Variants in REV1 observed in about 807,000 individuals in gnomAD.
The protein encoded by REV1 is REV1 DNA directed polymerase, also known as translesion synthesis protein REV1.
REV1 carries 42 observed loss-of-function variants against 137.4 expected under a neutral mutation model. The observed-to-expected ratio is 0.31, with a 90% CI of 0.24 to 0.40. The LOEUF (loss-of-function observed/expected upper bound fraction) is 0.40, where lower values mean the gene tolerates loss of function less well. REV1 is among the 10% of genes least tolerant of loss of function. The pLI is 1.00. For missense variants in REV1, 1,282 were observed against 1,490.1 expected (o/e 0.86, Z 2.30); for synonymous variants, 524 against 519.2 (o/e 1.01, Z -0.12).
chr2:99,489,101 G>A (rs1279519701), intron 1 of REV1, among the ~76,000 whole-genome samples: 1 of 152,190 alleles, frequency 6.6e-6, no homozygotes, highest in African/African-American at 2.4e-5. Context: ...GCGCGGCTCG[G>A]TGCGCCCAGA....
intron 1 of REV1, among the ~76,000 whole-genome samples, chr2:99,475,402 TG>T (rs1185815579): frequency 6.6e-6 from 1 of 152,234 alleles, no homozygotes; most frequent in Non-Finnish European, 1.5e-5. Context: ...ACCTAATGCT[TG>T]CTTGGACCAG....
chr2:99,484,073 C>G (rs1686897369), intron 1 of REV1, among the ~76,000 whole-genome samples: 1 of 152,088 alleles, frequency 6.6e-6, no homozygotes, highest in Admixed American at 6.6e-5. Context: ...GAAGGAGATC[C>G]AGGTAAAGAT....
chr2:99,483,751 C>A (rs970643348), intron 1 of REV1, among the ~76,000 whole-genome samples: 12 of 152,070 alleles, frequency 7.9e-5, no homozygotes, highest in African/African-American at 2.7e-4. Flanking sequence ...GCTGGTCTTT[C>A]CCTCAGTAAT....
At chr2:99,456,132 A>C (rs904991153) in intron 3 of REV1, among the ~76,000 whole-genome samples, 1 of 152,216 alleles carries the variant, frequency 6.6e-6, no homozygotes, top group African/African-American at 2.4e-5. Context: ...CAGGCCTCAA[A>C]TGTGGCCCAT....
chr2:99,447,621 T>C (rs990938161), intron 4 of REV1, among the ~76,000 whole-genome samples: 1 of 152,338 alleles, frequency 6.6e-6, no homozygotes, highest in East Asian at 1.9e-4. Flanking sequence ...CCAGGTTGTA[T>C]GGACAAATGA....
chr2:99,467,726 A>G (rs905333496), intron 1 of REV1, among the ~76,000 whole-genome samples: 2 of 152,218 alleles, frequency 1.3e-5, no homozygotes, highest in African/African-American at 2.4e-5. Flanking sequence ...AACTGTATTC[A>G]TTATTTCAAT....
intron 12 of REV1, 75 bp downstream of exon 12, chr2:99,418,751 TCA>T: frequency 5.2e-6 from 7 of 1,354,378 alleles, no homozygotes; most frequent in Non-Finnish European, 7.1e-6. Flanking sequence ...AAAAGAGGTC[TCA>T]CAGTTCTATA....
chr2:99,485,642 T>C (rs1400762005), intron 1 of REV1, among the ~76,000 whole-genome samples: 2 of 152,230 alleles, frequency 1.3e-5, no homozygotes, highest in Non-Finnish European at 2.9e-5. Flanking sequence ...ATAATCACTC[T>C]TAGCATCTTC....
At chr2:99,424,705 A>T in intron 9 of REV1, 1 of 1,252,446 alleles carries the variant, frequency 8.0e-7, no homozygotes, top group Non-Finnish European at 1.0e-6. Context: ...AAGACAAAGA[A>T]TATAAACAAA....
intron 1 of REV1, among the ~76,000 whole-genome samples, chr2:99,481,822 T>C (rs1686640917): frequency 6.6e-6 from 1 of 152,132 alleles, no homozygotes; most frequent in South Asian, 2.1e-4. Context: ...TGAGCTATGA[T>C]AGCACCACTG....
intron 8 of REV1, among the ~76,000 whole-genome samples, chr2:99,432,914 C>T (rs532736069): frequency 6.6e-6 from 1 of 152,228 alleles, no homozygotes; most frequent in East Asian, 1.9e-4. Flanking sequence ...CTCTGCTACT[C>T]CTAAGGAATG....
Position 99,449,447 on chromosome 2 carries a change from A to T in REV1, c.239T>A (p.Val80Glu). 1 of 1,566,438 alleles carries T rather than the reference A, an allele frequency of 6.4e-7. No homozygotes were observed. The highest frequency in any genetic ancestry group is 8.6e-7 in the Non-Finnish European group (1 of 1,159,104). ...TGTTGTTTTAGATCTGGAATAATAT[A>T]CATGGTATTGACCTCCATGCAACAT... ...LMMLHGGQYH[V>E]YYSRSKTTHI... is the part of the protein sequence containing the mutation. Residue 80 changes from valine to glutamate, a missense_variant, in exon 4 of 23, where the codon GTA becomes GAA. Val to Glu is a moderately radical substitution (Grantham distance 121). Coordinates refer to ENST00000258428, the MANE Select transcript of REV1 (RefSeq NM_016316.4).
chr2:99,453,892 CAAA>C (rs58291328), intron 3 of REV1, among the ~76,000 whole-genome samples: 4 of 48,016 alleles, frequency 8.3e-5, no homozygotes, highest in African/African-American at 8.2e-5. Context: ...GGCTCTGTCT[CAAA>C]AAAAAAAAAA....
intron 5 of REV1, among the ~76,000 whole-genome samples, chr2:99,439,556 T>C (rs1261364406): frequency 1.3e-5 from 2 of 152,186 alleles, no homozygotes; most frequent in Non-Finnish European, 2.9e-5. Flanking sequence ...AATTCTAGAA[T>C]ATTAACAGCC....
chr2:99,478,978 G>A (rs1421306431), intron 1 of REV1, among the ~76,000 whole-genome samples: 1 of 152,192 alleles, frequency 6.6e-6, no homozygotes, highest in African/African-American at 2.4e-5. Flanking sequence ...CGTGTCCTAA[G>A]TAGAATGAAT....
chr2:99,462,548 C>T lies in REV1; in HGVS notation c.129G>A (p.Gly43=), dbSNP rs1684342774. ...FRSDAAMQKD[G]TSSTIFSGVA... is the part of the protein sequence containing the mutation. ...CTCCACTAAAAATTGTAGATGAAGT[C>T]CCATCCTTCTGCATAGCAGCATCTG... Residue 43 remains glycine (G), a synonymous_variant, in exon 3 of 23, where the codon GGG becomes GGA. Transcript: ENST00000258428. The T allele has an allele frequency of 6.2e-7, 1 of 1,613,520 alleles. No homozygotes were observed. The highest frequency in any genetic ancestry group is 8.5e-7 in the Non-Finnish European group (1 of 1,179,794).
rs1675262691 is a variant in REV1 at position 99,400,715 on chromosome 2, A to AAGT, written c.*523_*525dup. On this transcript the variant is annotated 3_prime_UTR_variant, in exon 23 of 23. Transcript: ENST00000258428. ...ATATGTAGATTTCTCCGCATGGAAG[A>AAGT]AGTAGTAAAGATTTTCTTAACATGC... 2.0e-5 allele frequency: 3 copies of AAGT among 152,302 alleles called. No individual in the cohort carries two copies. The highest frequency in any genetic ancestry group is 7.2e-5 in the African/African-American group (3 of 41,454). 9.4% of individuals were successfully genotyped at this position (152,302 alleles called of 1,614,324 possible). A position where few individuals can be genotyped will look rare whatever the true frequency, so the allele number is the denominator to read the frequency against.
At position 99,407,080 on chromosome 2, in the gene REV1, CTTTTTTT is replaced by C. The variant is rs869170472; in HGVS notation, c.2449-597_2449-591del. On this transcript the variant is annotated intron_variant, in intron 15 of 22. Transcript: ENST00000258428. Reference sequence around the variant, plus strand: ...ACATAAAACTAAACCTACAAAGGTTCTTTTTTTTTTTTTTTTTTTTTTTTTTTGAGAC... The same window carrying C: ...ACATAAAACTAAACCTACAAAGGTTCTTTTTTTTTTTTTTTTTTTTGAGAC... Among the ~76,000 whole-genome samples the C allele has an allele frequency of 2.3e-3, 139 of 60,050 alleles. 2 individuals are homozygous for C. The highest frequency in any genetic ancestry group is 7.8e-3 in the African/African-American group (122 of 15,552). The allele number at this position is 60,050 out of a possible 152,430, so 39.4% of individuals were successfully genotyped here.
In REV1 at chr2:99,410,696, T is replaced by C; in HGVS notation, c.2344A>G (p.Arg782Gly). The C allele has an allele frequency of 6.3e-7, 1 of 1,585,146 alleles. No individual in the cohort carries two copies. The highest frequency in any genetic ancestry group is 1.2e-5 in the South Asian group (1 of 85,516). The change falls in exon 14 of 23, where the codon AGG (arginine) becomes GGG (glycine). Residue 782 changes from arginine to glycine, a missense_variant and splice_region_variant. Arg to Gly is a moderately radical substitution (Grantham distance 125, BLOSUM62 -2). Coordinates refer to ENST00000258428, the MANE Select transcript of REV1 (RefSeq NM_016316.4). ...ATATCATTTCTGAGGTGAGCTTACC[T>C]GGCAATGTTATCACAAATTCCATGG... ...GGHGICDNIARTVTLDQATDN... is the reference protein window; with the variant it reads ...GGHGICDNIAGTVTLDQATDN...
Sources: allele counts gnomAD v4.1 joint callset (sites outside exome capture counted in the v4.1 genomes callset), GRCh38; gene constraint gnomAD v4.1.1; transcripts MANE v1.5; gene names NCBI Gene and HGNC (gene_info 2026-07-23, HGNC 2026-07-21).